The following NPHP4 variants were observed in gnomAD, a reference collection of about 807,000 sequenced individuals.
The protein encoded by NPHP4 is nephrocystin 4.
In NPHP4, 151 loss-of-function variants were observed where a neutral mutation model predicts 155.8. The ratio of observed to expected loss-of-function variants is 0.97; its 90% CI spans 0.85 to 1.11. NPHP4 has a LOEUF of 1.11. Ranked by LOEUF, NPHP4 falls within the 50% of genes least tolerant of loss-of-function variation. The probability of loss-of-function intolerance (pLI) is 0.00; values close to 1 mark genes in which losing one functional copy is unlikely to be tolerated. For missense variants in NPHP4, 1,956 were observed against 1,925.7 expected, an observed-to-expected ratio of 1.02 and a Z score of -0.29; for synonymous variants, 845 against 816.8, an observed-to-expected ratio of 1.03 and a Z score of -0.59.
rs886990992 is a variant in NPHP4 at position 5,892,664 on chromosome 1, C to T, written c.2144-1636G>A. Reference sequence around the variant, plus strand: ...CCACTGGGTCGAGCTGTGTTTGGGACGCGCGTACTCTCCCCACTGCAGCCT... The same window carrying T: ...CCACTGGGTCGAGCTGTGTTTGGGATGCGCGTACTCTCCCCACTGCAGCCT... On this transcript the variant is annotated intron_variant, in intron 16 of 29. Transcript: ENST00000378156. This position sits in a 1 kb window ranked among gnomAD's most constrained non-coding sequence, Gnocchi z 4.5. Among the ~76,000 whole-genome samples, 12 of 151,992 alleles carry T rather than the reference C, an allele frequency of 7.9e-5. No individual in the cohort carries two copies. Among genetic ancestry groups the T allele is most frequent in the African/African-American group, 1.5e-4 (6 of 41,344 alleles).
chr1:5,961,503 T>G (rs757632347), intron 6 of NPHP4, among the ~76,000 whole-genome samples: 11 of 152,242 alleles, frequency 7.2e-5, no homozygotes, highest in Non-Finnish European at 1.0e-4. Flanking sequence ...GTGGTCTTCC[T>G]AGCTATGGTC....
intron 5 of NPHP4, 119 bp from the exon 6 acceptor site, chr1:5,962,068 G>A (rs1280005861): frequency 1.5e-6 from 1 of 673,140 alleles, no homozygotes; most frequent in African/African-American, 1.8e-5. Flanking sequence ...ACTTTTCTAG[G>A]GAGAGTGAAG....
At chr1:5,983,017 T>C (rs1654955826) in intron 2 of NPHP4, among the ~76,000 whole-genome samples, 2 of 152,190 alleles carry the variant, frequency 1.3e-5, no homozygotes, top group South Asian at 4.1e-4. Context: ...GTTTAAGAGA[T>C]GACAGGGTGA....
chr1:5,932,950 A>G (rs1304236612), intron 10 of NPHP4, among the ~76,000 whole-genome samples, 197 bp downstream of exon 10: 3 of 152,264 alleles, frequency 2.0e-5, no homozygotes, highest in African/African-American at 2.4e-5. Flanking sequence ...GTGAACAGCA[A>G]TAAAACCCAT....
intron 1 of NPHP4, among the ~76,000 whole-genome samples, chr1:5,987,515 A>G (rs1318031381): frequency 6.6e-6 from 1 of 152,098 alleles, no homozygotes; most frequent in Non-Finnish European, 1.5e-5. Flanking sequence ...CACTCAACCC[A>G]AGGCTGGTTG....
chr1:5,879,348 T>G (rs1341819468), intron 19 of NPHP4: 1 of 353,420 alleles, frequency 2.8e-6, no homozygotes, highest in Non-Finnish European at 5.6e-6. Flanking sequence ...GGCCTTACAT[T>G]TTAAGGGGAT....
At chr1:5,879,861 GCACA>G (rs775960120) in intron 19 of NPHP4, among the ~76,000 whole-genome samples, 1 of 141,572 alleles carries the variant, frequency 7.1e-6, no homozygotes, top group Non-Finnish European at 1.5e-5. Flanking sequence ...ACACAGACAC[GCACA>G]CACACATGCA....
Position 5,873,320 on chromosome 1 carries a change from TCAACCC to T in NPHP4, c.3241_3246del (p.Gly1081_Leu1082del). On this transcript the variant is annotated inframe_deletion, in exon 23 of 30. Coordinates refer to ENST00000378156, the MANE Select transcript of NPHP4 (RefSeq NM_015102.5). ...ACGGCGTCCATGCCCTTCTCGTTGC[TCAACCC>T]AGGAGAGGCCTGCAGGAACCGAACA... The T allele has an allele frequency of 6.2e-7, 1 of 1,613,874 alleles. No individual in the cohort carries two copies. The highest frequency in any genetic ancestry group is 1.1e-5 in the South Asian group (1 of 91,074).
chr1:5,950,038 C>A (rs923475916), intron 7 of NPHP4, among the ~76,000 whole-genome samples: 1 of 152,166 alleles, frequency 6.6e-6, no homozygotes, highest in Non-Finnish European at 1.5e-5. Context: ...GGCAGCCAGT[C>A]TGGGCTTGCT....
intron 17 of NPHP4, chr1:5,888,449 A>G: frequency 8.8e-7 from 1 of 1,136,172 alleles, no homozygotes; most frequent in Non-Finnish European, 1.1e-6. Context: ...TCTGGGAGTG[A>G]GACGCCAGAC....
intron 18 of NPHP4, among the ~76,000 whole-genome samples, chr1:5,883,918 G>T (rs986752198): frequency 6.6e-6 from 1 of 152,150 alleles, no homozygotes; most frequent in African/African-American, 2.4e-5. Flanking sequence ...AGACTCGAAG[G>T]ACACCTAATG....
intron 25 of NPHP4, among the ~76,000 whole-genome samples, chr1:5,866,771 C>A (rs1641274878): frequency 6.6e-6 from 1 of 152,152 alleles, no homozygotes; most frequent in Admixed American, 6.5e-5. Context: ...AATTACCATC[C>A]ACTTTATTAA....
At chr1:5,909,756 G>A (rs535735569) in intron 11 of NPHP4, among the ~76,000 whole-genome samples, 36 of 152,282 alleles carry the variant, frequency 2.4e-4, no homozygotes, top group South Asian at 2.3e-3. Flanking sequence ...GGGGAGGCAA[G>A]GCCAGCCCTT....
rs532348201 is a variant in NPHP4, at chr1:5,882,418, C to T, written c.2486-2179G>A. On this transcript the variant is annotated intron_variant, in intron 18 of 29. Coordinates refer to ENST00000378156, the MANE Select transcript of NPHP4 (RefSeq NM_015102.5). This position sits in a 1 kb window ranked among gnomAD's most constrained non-coding sequence, Gnocchi z 5.1. The stretch of plus-strand genomic sequence containing the variant: ...CATCTCTTTCCAGGGGAATTAATTT[C>T]GTTCTTGCCAATGTCCCAGTAGCTG... 2 of 153,086 alleles carry T rather than the reference C, an allele frequency of 1.3e-5. No homozygotes were observed. Among genetic ancestry groups the T allele is most frequent in the African/African-American group, 2.4e-5 (1 of 41,466 alleles). The allele number at this position is 153,086 out of a possible 1,614,324, so 9.5% of individuals were successfully genotyped here.
chr1:5,922,795 C>T (rs908655398), intron 11 of NPHP4, among the ~76,000 whole-genome samples: 97 of 148,524 alleles, frequency 6.5e-4, no homozygotes, highest in African/African-American at 2.4e-3. Flanking sequence ...GGCACGGTGG[C>T]ACTGCCTGCA....
At chr1:5,909,110 A>C in intron 12 of NPHP4, 42 bp downstream of exon 12, 19 of 1,475,676 alleles carry the variant, frequency 1.3e-5, no homozygotes, top group Non-Finnish European at 1.8e-5. Flanking sequence ...CAAGTAATTG[A>C]CTCTGGAATT....
At chr1:5,916,906 C>G (rs1645501914) in intron 11 of NPHP4, among the ~76,000 whole-genome samples, 2 of 152,212 alleles carry the variant, frequency 1.3e-5, no homozygotes, top group Admixed American at 1.3e-4. Flanking sequence ...TCGTCCTTCT[C>G]AAACAAAAGA....
At chr1:5,975,239 C>G (rs1266389948) in intron 3 of NPHP4, among the ~76,000 whole-genome samples, 1 of 152,204 alleles carries the variant, frequency 6.6e-6, no homozygotes, top group African/African-American at 2.4e-5. Context: ...GTTAACTAAG[C>G]TGGAACAAAA....
intron 29 of NPHP4, 30 bp from the exon 30 acceptor site, chr1:5,863,435 C>T (rs756898033): frequency 1.8e-5 from 29 of 1,608,588 alleles, no homozygotes; most frequent in Non-Finnish European, 2.3e-5. Flanking sequence ...TCCCAGCATC[C>T]ACCCCCGGGC....
Sources: allele counts gnomAD v4.1 joint callset (sites outside exome capture counted in the v4.1 genomes callset), GRCh38; gene constraint gnomAD v4.1.1; non-coding constraint Gnocchi (gnomAD v3.1); transcripts MANE v1.5; gene names NCBI Gene and HGNC (gene_info 2026-07-23, HGNC 2026-07-21).